Variants in VAMP5 observed in about 807,000 individuals in gnomAD.
VAMP5 encodes vesicle associated membrane protein 5.
VAMP5 carries 10 observed loss-of-function variants against 8.1 expected under a neutral mutation model. The ratio of observed to expected loss-of-function variants is 1.23; its 90% CI spans 0.76 to 2.09. The LOEUF is 2.09. VAMP5 is among the 30% of genes most tolerant of loss of function. The pLI is 0.00. For synonymous variants in VAMP5, 62 were observed against 60.6 expected (o/e 1.02, Z -0.11); for missense variants, 135 against 152.5 (o/e 0.89, Z 0.60).
intron 2 of VAMP5, among the ~76,000 whole-genome samples, 184 bp downstream of exon 2, chr2:85,592,046 A>G (rs1038651435): frequency 6.6e-6 from 1 of 152,196 alleles, no homozygotes; most frequent in Non-Finnish European, 1.5e-5. Context: ...CAAGATAAGA[A>G]GGCCTTGGTT....
Position 85,591,710 on chromosome 2 carries a change from GGGCTTGGTGTCCA to G in VAMP5, c.4-11_5del, listed in dbSNP as rs777303987. On this transcript the variant is annotated splice_acceptor_variant and splice_polypyrimidine_tract_variant and intron_variant, in intron 1 of 2. Transcript: ENST00000306384. LOFTEE classifies it high-confidence loss of function. Reference sequence around the variant, plus strand: ...GGGGGCCTCATGCAGCCCTGACCTCGGGCTTGGTGTCCAGGCAGGAATAGAGTTGGAGCGGTGC... The same window carrying G: ...GGGGGCCTCATGCAGCCCTGACCTCGGGCAGGAATAGAGTTGGAGCGGTGC... 6.2e-6 allele frequency: 10 copies of G among 1,613,908 alleles called. No homozygotes were observed. The African/African-American group carries it at 1.3e-4, about 22-fold the overall frequency.
Position 85,593,315 on chromosome 2 carries a change from C to T in VAMP5, c.*158C>T. The T allele has an allele frequency of 2.5e-6, 2 of 802,242 alleles. No individual in the cohort carries two copies. Among genetic ancestry groups the T allele is most frequent in the South Asian group, 3.3e-5 (2 of 60,656 alleles). 49.7% of individuals were successfully genotyped at this position (802,242 alleles called of 1,614,324 possible). ...ATTTCCTGTCATGCCACAGACTGGC[C>T]CTTGAGGGCAGCCTGCTGTACTGGC... is the stretch of plus-strand genomic sequence containing the variant. On this transcript the variant is annotated 3_prime_UTR_variant, in exon 3 of 3. Transcript: ENST00000306384.
chr2:85,584,544 G>T, intron 1 of VAMP5, 51 bp downstream of exon 1: 1 of 1,233,908 alleles, frequency 8.1e-7, no homozygotes, highest in South Asian at 4.0e-5. Context: ...GAGGGCGAGT[G>T]GCGAGGGTGG....
chr2:85,591,174 G>T (rs1672533270), intron 1 of VAMP5, among the ~76,000 whole-genome samples: 1 of 152,260 alleles, frequency 6.6e-6, no homozygotes. Flanking sequence ...GAGGCCCAAA[G>T]AGGAAGATCT....
Position 85,584,454 on chromosome 2 carries a change from G to A in VAMP5, c.-37G>A, listed in dbSNP as rs1672433219. On this transcript the variant is annotated 5_prime_UTR_variant, in exon 1 of 3. Coordinates refer to ENST00000306384, the MANE Select transcript of VAMP5 (RefSeq NM_006634.3). The stretch of plus-strand genomic sequence containing the variant: ...GCACTGCGGCCGCTCCGCAGGCAGA[G>A]AAGCCGGGAGCGGGCGAGGCGGCGG... 8.0e-7 allele frequency: 1 copy of A among 1,244,124 alleles called. No homozygotes were observed. The highest frequency in any genetic ancestry group is 3.6e-5 in the South Asian group (1 of 28,156). The allele number at this position is 1,244,124 out of a possible 1,614,324, so 77.1% of individuals were successfully genotyped here.
intron 1 of VAMP5, among the ~76,000 whole-genome samples, chr2:85,588,178 G>A (rs1219265461): frequency 6.6e-6 from 1 of 151,884 alleles, no homozygotes; most frequent in Non-Finnish European, 1.5e-5. Flanking sequence ...CTTGGTAGAG[G>A]CATGATCTGC....
At chr2:85,591,509 G>T in intron 1 of VAMP5, 1 of 627,004 alleles carries the variant, frequency 1.6e-6, no homozygotes. Flanking sequence ...GCCCTGCCTT[G>T]ACGTGCAAGG....
intron 1 of VAMP5, among the ~76,000 whole-genome samples, chr2:85,587,754 A>G (rs1028971482): frequency 1.6e-4 from 25 of 152,210 alleles, no homozygotes; most frequent in Non-Finnish European, 3.2e-4. Context: ...TGGAGGTCAG[A>G]AAGGTCATAT....
At chr2:85,592,119 G>C (rs545050918) in intron 2 of VAMP5, among the ~76,000 whole-genome samples, 1 of 152,028 alleles carries the variant, frequency 6.6e-6, no homozygotes, top group Non-Finnish European at 1.5e-5. Flanking sequence ...TTTTTACTTT[G>C]AGACAGAGTC....
intron 1 of VAMP5, 124 bp from the exon 2 acceptor site, chr2:85,591,601 G>A (rs1672538063): frequency 1.1e-5 from 16 of 1,430,394 alleles, no homozygotes; most frequent in East Asian, 2.4e-5. Context: ...ACCCTTACAC[G>A]AAGGATGCTG....
chr2:85,592,820 A>AAAAAAAAAAAT, intron 2 of VAMP5, 128 bp from the exon 3 acceptor site: 1 of 856,914 alleles, frequency 1.2e-6, no homozygotes, highest in Non-Finnish European at 1.8e-6. Context: ...AAAAAAAGAA[A>AAAAAAAAAAAT]GAAAGTAGAC....
chr2:85,589,770 A>G (rs866290674), intron 1 of VAMP5, among the ~76,000 whole-genome samples: 3 of 151,984 alleles, frequency 2.0e-5, no homozygotes, highest in African/African-American at 7.3e-5. Context: ...CGATTCTCCC[A>G]TCTCAGCCTC....
intron 1 of VAMP5, among the ~76,000 whole-genome samples, chr2:85,589,984 A>G (rs139488788): frequency 1.3e-3 from 193 of 152,248 alleles, no homozygotes; most frequent in African/African-American, 4.4e-3. Context: ...AATGTGGGGA[A>G]GTTCAAAGGA....
At chr2:85,592,394 G>A (rs1376756986) in intron 2 of VAMP5, among the ~76,000 whole-genome samples, 2 of 152,228 alleles carry the variant, frequency 1.3e-5, no homozygotes, top group Admixed American at 6.5e-5. Context: ...ACTGTGTCCA[G>A]CCTGAGTACT....
intron 1 of VAMP5, chr2:85,591,517 A>T: frequency 1.5e-6 from 1 of 660,774 alleles, no homozygotes; most frequent in Non-Finnish European, 2.5e-6. Flanking sequence ...TTGACGTGCA[A>T]GGGGAGGAGC....
Position 85,584,444 on chromosome 2 carries a change from C to T in VAMP5, c.-47C>T, listed in dbSNP as rs1192631680. ...GGGGCCGCTGGCACTGCGGCCGCTC[C>T]GCAGGCAGAGAAGCCGGGAGCGGGC... is the stretch of plus-strand genomic sequence containing the variant. On this transcript the variant is annotated 5_prime_UTR_variant, in exon 1 of 3. Coordinates refer to ENST00000306384, the MANE Select transcript of VAMP5 (RefSeq NM_006634.3). 2 of 1,243,468 alleles carry T rather than the reference C, an allele frequency of 1.6e-6. No individual in the cohort carries two copies. Among genetic ancestry groups the T allele is most frequent in the African/African-American group, 1.6e-5 (1 of 64,442 alleles). 77.0% of individuals were successfully genotyped at this position (1,243,468 alleles called of 1,614,324 possible).
intron 1 of VAMP5, among the ~76,000 whole-genome samples, chr2:85,584,983 C>T (rs964039181): frequency 3.3e-5 from 5 of 152,358 alleles, no homozygotes; most frequent in Middle Eastern, 3.4e-3. Flanking sequence ...GTAACGACCT[C>T]GTCAGCCCTT....
At chr2:85,588,388 C>G (rs1467572985) in intron 1 of VAMP5, among the ~76,000 whole-genome samples, 4 of 152,142 alleles carry the variant, frequency 2.6e-5, no homozygotes, top group African/African-American at 9.7e-5. Context: ...TGTGTAACTG[C>G]CACTCTCTGG....
intron 1 of VAMP5, among the ~76,000 whole-genome samples, chr2:85,589,058 G>C (rs999063587): frequency 5.9e-5 from 9 of 152,174 alleles, no homozygotes; most frequent in East Asian, 1.9e-4. Flanking sequence ...GCTGAGGTGG[G>C]AGGACTGCTT....
Sources: allele counts gnomAD v4.1 joint callset (sites outside exome capture counted in the v4.1 genomes callset), GRCh38; gene constraint gnomAD v4.1.1; transcripts MANE v1.5; gene names NCBI Gene and HGNC (gene_info 2026-07-23, HGNC 2026-07-21).